Variants in RIMS1 observed in about 807,000 individuals in gnomAD.
The protein encoded by RIMS1 is regulating synaptic membrane exocytosis protein 1.
In RIMS1, 83 loss-of-function variants were observed where a neutral mutation model predicts 214.1. The observed-to-expected ratio is 0.39, with a 90% confidence interval of 0.32 to 0.47. RIMS1 has a LOEUF of 0.47. Ranked by LOEUF, RIMS1 falls within the 20% of genes least tolerant of loss-of-function variation. The pLI is 0.99. For missense variants in RIMS1, 2,050 were observed against 2,161.8 expected (o/e 0.95, Z 1.03); for synonymous variants, 793 against 786.8 (o/e 1.01, Z -0.13).
In RIMS1 at chr6:72,333,734, C is replaced by G; in HGVS notation, c.4265C>G (p.Thr1422Arg). ...DGSQSDTAVG[T>R]VGAGGKKRRS... The stretch of plus-strand genomic sequence containing the variant: ...AGCCAGTCAGACACAGCTGTGGGTA[C>G]AGTTGGAGCAGGTGGAAAGAAACGG... The change falls in exon 29 of 34, where the codon ACA becomes AGA. Residue 1422 changes from threonine (T) to arginine (R), a missense_variant. Physicochemically the swap from Thr to Arg is moderately conservative, Grantham distance 71. Around this residue, in one of 6 missense-constraint regions of RIMS1, gnomAD observed 889 missense variants for 885.5 expected, o/e 1.00. Coordinates refer to ENST00000521978, the MANE Select transcript of RIMS1 (RefSeq NM_014989.7). The G allele has an allele frequency of 1.3e-6, 2 of 1,599,050 alleles. No homozygotes were observed. The highest frequency in any genetic ancestry group is 2.7e-5 in the African/African-American group (2 of 74,662).
intron 1 of RIMS1, among the ~76,000 whole-genome samples, chr6:71,912,424 C>G (rs1777193698): frequency 6.6e-6 from 1 of 152,082 alleles, no homozygotes; most frequent in South Asian, 2.1e-4. Flanking sequence ...ATGTAAAATG[C>G]TACAGTAGAA....
chr6:72,212,975 T>A, intron 6 of RIMS1: 1 of 1,415,014 alleles, frequency 7.1e-7, no homozygotes, highest in Non-Finnish European at 9.2e-7. Context: ...AGTTTCCATT[T>A]TCTGCTGGTC....
chr6:71,927,775 A>G (rs72653124), intron 1 of RIMS1, among the ~76,000 whole-genome samples: 16,805 of 152,116 alleles, frequency 0.11, 1,194 homozygotes, highest in East Asian at 0.23. Flanking sequence ...GTATCCTAAA[A>G]CCACATATGT....
intron 31 of RIMS1, among the ~76,000 whole-genome samples, chr6:72,396,577 G>C (rs1271285705): frequency 3.3e-5 from 5 of 152,008 alleles, no homozygotes; most frequent in African/African-American, 9.7e-5. Context: ...TTGGAGAGTA[G>C]ATAAATAAAT....
At chr6:72,094,480 G>A (rs930019111) in intron 2 of RIMS1, among the ~76,000 whole-genome samples, 1 of 152,128 alleles carries the variant, frequency 6.6e-6, no homozygotes, top group Admixed American at 6.5e-5. Context: ...AAAACACACA[G>A]AGGCTTTGGT....
intron 6 of RIMS1, among the ~76,000 whole-genome samples, chr6:72,191,164 G>C (rs911058406): frequency 1.3e-5 from 2 of 152,160 alleles, no homozygotes; most frequent in African/African-American, 4.8e-5. Context: ...AAAACTAGCA[G>C]CCTTTTGGGT....
intron 15 of RIMS1, 62 bp from the exon 16 acceptor site, chr6:72,252,699 G>T: frequency 7.2e-7 from 1 of 1,379,496 alleles, no homozygotes; most frequent in Non-Finnish European, 1.0e-6. Context: ...GTTTGACAGT[G>T]CTCTTTACGT....
At chr6:72,389,350 G>T (rs1487901649) in intron 29 of RIMS1, among the ~76,000 whole-genome samples, 2 of 152,028 alleles carry the variant, frequency 1.3e-5, no homozygotes, top group African/African-American at 4.8e-5. Context: ...TATTGTCTTT[G>T]TAAGCAAAAA....
At chr6:72,074,703 G>A (rs1446985416) in intron 2 of RIMS1, among the ~76,000 whole-genome samples, 1 of 152,126 alleles carries the variant, frequency 6.6e-6, no homozygotes, top group African/African-American at 2.4e-5. Context: ...GTGAAACATT[G>A]TGTCCGTTAG....
intron 1 of RIMS1, among the ~76,000 whole-genome samples, chr6:71,921,293 G>T (rs964565860): frequency 6.6e-6 from 1 of 152,070 alleles, no homozygotes; most frequent in Admixed American, 6.6e-5. Flanking sequence ...GCTAATTTTT[G>T]TATTTTTAGT....
At chr6:72,379,659 C>G (rs2098452300) in intron 29 of RIMS1, among the ~76,000 whole-genome samples, 1 of 152,164 alleles carries the variant, frequency 6.6e-6, no homozygotes, top group Non-Finnish European at 1.5e-5. Context: ...AAATAGGTTC[C>G]AGGCACTTTC....
chr6:71,918,948 A>T (rs904401698), intron 1 of RIMS1, among the ~76,000 whole-genome samples: 3 of 152,168 alleles, frequency 2.0e-5, no homozygotes, highest in African/African-American at 7.2e-5. Flanking sequence ...AGATAGAAGG[A>T]TACTAATGCC....
chr6:72,138,041 T>C (rs1471619018), intron 4 of RIMS1, among the ~76,000 whole-genome samples: 4 of 152,130 alleles, frequency 2.6e-5, no homozygotes, highest in Non-Finnish European at 5.9e-5. Context: ...CGGCAAAGTC[T>C]ATACAATCTT....
intron 16 of RIMS1, among the ~76,000 whole-genome samples, chr6:72,255,590 T>G (rs1285355089): frequency 1.3e-5 from 2 of 152,164 alleles, no homozygotes; most frequent in African/African-American, 4.8e-5. Context: ...TTATTTAAAG[T>G]AAATAATTTT....
chr6:72,334,102 A>G (rs1409898996), intron 29 of RIMS1, among the ~76,000 whole-genome samples: 33 of 152,014 alleles, frequency 2.2e-4, no homozygotes, highest in Non-Finnish European at 1.3e-4. Context: ...ATGCAAGGAA[A>G]TGCAAAGAAG....
chr6:71,996,605 A>C (rs1190400171), intron 2 of RIMS1, among the ~76,000 whole-genome samples: 1 of 152,210 alleles, frequency 6.6e-6, no homozygotes, highest in African/African-American at 2.4e-5. Context: ...GAAAATGACA[A>C]GCTCGTCCAT....
intron 6 of RIMS1, among the ~76,000 whole-genome samples, chr6:72,206,084 A>G (rs907961737): frequency 6.6e-6 from 1 of 152,104 alleles, no homozygotes; most frequent in Admixed American, 6.5e-5. Flanking sequence ...AACCCCTACC[A>G]TAGTTATATT....
intron 30 of RIMS1, 113 bp downstream of exon 30, chr6:72,390,849 T>G: frequency 2.2e-6 from 3 of 1,337,074 alleles, no homozygotes; most frequent in South Asian, 3.0e-5. Flanking sequence ...AATCAGAAGT[T>G]CAACCATCCA....
chr6:72,305,315 T>C (rs79532236), intron 26 of RIMS1, among the ~76,000 whole-genome samples: 2,515 of 152,176 alleles, frequency 0.017, 66 homozygotes, highest in African/African-American at 0.056. Flanking sequence ...AAAGTGAAGC[T>C]TGCAAAGCTG....
Sources: allele counts gnomAD v4.1 joint callset (sites outside exome capture counted in the v4.1 genomes callset), GRCh38; gene constraint gnomAD v4.1.1; regional missense constraint gnomAD v4.1.1; transcripts MANE v1.5; gene names NCBI Gene and HGNC (gene_info 2026-07-23, HGNC 2026-07-21).